ZNF385C: variants seen among roughly 807,000 people sequenced by gnomAD.
ZNF385C encodes the protein CTD-2132N18.2.
A neutral mutation model predicts 35.4 loss-of-function variants in ZNF385C; 28 were observed. That is an observed-to-expected ratio of 0.79 (90% confidence interval 0.59 to 1.08). ZNF385C has a LOEUF of 1.08. Ranked by LOEUF, ZNF385C falls within the 50% of genes least tolerant of loss-of-function variation. The pLI is 0.00. For synonymous variants in ZNF385C, 248 were observed against 248.2 expected (o/e 1.00, Z 0.01); for missense variants, 605 against 595.6 (o/e 1.02, Z -0.16).
At chr17:42,055,108 A>T (rs1215721252) in intron 2 of ZNF385C, among the ~76,000 whole-genome samples, 2 of 151,912 alleles carry the variant, frequency 1.3e-5, no homozygotes, top group African/African-American at 4.8e-5. Context: ...CTAGCCCCCG[A>T]CCCCCTCAGC....
chr17:42,087,085 G>A (rs55637667), intron 1 of ZNF385C, among the ~76,000 whole-genome samples: 33,425 of 151,932 alleles, frequency 0.22, 3,912 homozygotes, highest in Middle Eastern at 0.42. Flanking sequence ...AGCCTCCCAA[G>A]GTGCTGGGAT....
At chr17:42,031,962 A>C (rs1555655040) in intron 4 of ZNF385C, among the ~76,000 whole-genome samples, 178 bp from the exon 5 acceptor site, 1 of 152,174 alleles carries the variant, frequency 6.6e-6, no homozygotes, top group Non-Finnish European at 1.5e-5. Context: ...AGGTTTGCAG[A>C]ATGTGTTCTC....
At chr17:42,043,643 G>A (rs374313761) in intron 2 of ZNF385C, 18 of 307,606 alleles carry the variant, frequency 5.9e-5, no homozygotes, top group East Asian at 4.6e-4. Flanking sequence ...TAGGCTTCAT[G>A]CTGCCCACAG....
At chr17:42,054,916 C>T (rs2143794256) in intron 2 of ZNF385C, among the ~76,000 whole-genome samples, 1 of 152,196 alleles carries the variant, frequency 6.6e-6, no homozygotes, top group East Asian at 1.9e-4. Context: ...CCTCCCATGC[C>T]CACCCAAGAT....
At chr17:42,040,260 C>T (rs1555655982) in intron 2 of ZNF385C, 1 of 1,231,514 alleles carries the variant, frequency 8.1e-7, no homozygotes, top group East Asian at 3.2e-5. Context: ...GGAAGGATCC[C>T]CGGAGCCACT....
chr17:42,028,149 C>G lies in ZNF385C; in HGVS notation c.1065G>C (p.Lys355Asn), dbSNP rs781921322. Residue 355 changes from lysine to asparagine, a missense_variant, in exon 7 of 9, where the codon AAG (lysine) becomes AAC (asparagine). Physicochemically the swap from Lys to Asn is moderately conservative, Grantham distance 94. Coordinates refer to ENST00000692273, the MANE Select transcript of ZNF385C (RefSeq NM_001392013.1). ...GGCCGCCCCGGCCCCCTGTGACTCT[C>G]TTGGCTTTGTGTCCGGCACCTCCCC... The part of the protein sequence containing the change: ...VSRGGAGHKA[K>N]RVTGGRGGRQ... 6.2e-7 allele frequency: 1 copy of G among 1,611,076 alleles called. No homozygotes were observed.
At chr17:42,058,913 TCCCAAAGTGTTGGGATGA>T (rs1338135082) in intron 2 of ZNF385C, among the ~76,000 whole-genome samples, 4 of 152,212 alleles carry the variant, frequency 2.6e-5, no homozygotes, top group Admixed American at 2.6e-4. Context: ...CGCCTCGGCC[TCCCAAAGTGTTGGGATGA>T]CAGGCATGAG....
chr17:42,090,623 G>A (rs2053856315), intron 1 of ZNF385C, among the ~76,000 whole-genome samples: 1 of 151,352 alleles, frequency 6.6e-6, no homozygotes. Flanking sequence ...GGCTGGGCAC[G>A]GTGGCTCACG....
intron 2 of ZNF385C, among the ~76,000 whole-genome samples, chr17:42,058,408 G>A (rs1555657744): frequency 6.6e-6 from 1 of 152,218 alleles, no homozygotes; most frequent in African/African-American, 2.4e-5. Flanking sequence ...TGAGTGCCTA[G>A]GACCAATGCA....
At chr17:42,053,070 G>A (rs756582964) in intron 2 of ZNF385C, among the ~76,000 whole-genome samples, 14 of 152,204 alleles carry the variant, frequency 9.2e-5, no homozygotes, top group Non-Finnish European at 2.1e-4. Flanking sequence ...ACCATGGCCA[G>A]GGGGTTCCTC....
At chr17:42,041,149 C>A (rs182304922) in intron 2 of ZNF385C, 1 of 1,232,322 alleles carries the variant, frequency 8.1e-7, no homozygotes, top group Non-Finnish European at 1.0e-6. Context: ...TGCCTTCAGG[C>A]GCTGGCAGGC....
chr17:42,028,207 G>A lies in ZNF385C; in HGVS notation c.1007C>T (p.Ala336Val). The change falls in exon 7 of 9, where the codon GCT becomes GTT. Residue 336 changes from alanine (A) to valine (V), a missense_variant. Ala to Val is a moderately conservative substitution (Grantham distance 64). Transcript: ENST00000692273. ...HRWMMEGQRG[A>V]PRRSRGRPVS... ...CGGGCGGCCCCGGCTCCTCCGGGGA[G>A]CCCCTCGCTGACCTTCCATCATCCA... The A allele has an allele frequency of 1.3e-6, 2 of 1,561,938 alleles. No homozygotes were observed. Among genetic ancestry groups the A allele is most frequent in the South Asian group, 1.2e-5 (1 of 84,018 alleles).
chr17:42,042,991 A>G, intron 2 of ZNF385C: 1 of 1,232,330 alleles, frequency 8.1e-7, no homozygotes, highest in Non-Finnish European at 1.0e-6. Flanking sequence ...CAGCACAGCC[A>G]CTTTGGCCGG....
At chr17:42,051,422 C>T (rs1470553605) in intron 2 of ZNF385C, among the ~76,000 whole-genome samples, 7 of 152,046 alleles carry the variant, frequency 4.6e-5, no homozygotes, top group Non-Finnish European at 1.0e-4. Flanking sequence ...AATGTGCAGA[C>T]GTGGAGGTGT....
intron 1 of ZNF385C, among the ~76,000 whole-genome samples, chr17:42,072,379 G>T (rs1555658908): frequency 6.6e-6 from 1 of 152,126 alleles, no homozygotes; most frequent in African/African-American, 2.4e-5. Flanking sequence ...TCAGTTTCCG[G>T]TTAAGTTGCG....
chr17:42,028,435 A>G lies in ZNF385C; in HGVS notation c.968-189T>C, dbSNP rs540020764. 3.6e-5 allele frequency: 22 copies of G among 617,052 alleles called. No homozygotes were observed. In the South Asian group the frequency reaches 4.6e-4, roughly 13 times the overall value. 38.2% of individuals were successfully genotyped at this position (617,052 alleles called of 1,614,324 possible). On this transcript the variant is annotated intron_variant, in intron 6 of 8. Transcript: ENST00000692273. ...CTTTCATGCCAGCCCCTCCTATGAA[A>G]GGCCTTTCTGCACTACAAATAGCTG...
chr17:42,085,025 G>T (rs146931796), intron 1 of ZNF385C, among the ~76,000 whole-genome samples: 1 of 152,028 alleles, frequency 6.6e-6, no homozygotes, highest in African/African-American at 2.4e-5. Context: ...GGCTGGGTGC[G>T]GTGGCTCATG....
intron 2 of ZNF385C, among the ~76,000 whole-genome samples, chr17:42,045,196 C>T (rs904663578): frequency 3.3e-5 from 5 of 152,126 alleles, no homozygotes; most frequent in Non-Finnish European, 7.4e-5. Flanking sequence ...GGATTACAGG[C>T]GTGAGCCACC....
rs2053249366 is a variant in ZNF385C at position 42,050,077 on chromosome 17, A to G, written c.251-12192T>C. On this transcript the variant is annotated intron_variant, in intron 2 of 8. Coordinates refer to ENST00000692273, the MANE Select transcript of ZNF385C (RefSeq NM_001392013.1). This position sits in a 1 kb window ranked among gnomAD's most constrained non-coding sequence, Gnocchi z 5.6. ...GGTGTAAACAAAACTCCATGGGTCC[A>G]GTTGTGACCAAGGCTGACCAGGAGG... Among the ~76,000 whole-genome samples the G allele has an allele frequency of 6.6e-6, 1 of 152,222 alleles. No homozygotes were observed. Among genetic ancestry groups the G allele is most frequent in the South Asian group, 2.1e-4 (1 of 4,828 alleles).
Sources: gnomAD v4.1 joint callset for allele counts (sites outside exome capture counted in the v4.1 genomes callset) on GRCh38, gnomAD v4.1.1 for gene constraint, Gnocchi (gnomAD v3.1) non-coding constraint, MANE v1.5 for transcripts, NCBI Gene and HGNC (gene_info 2026-07-23, HGNC 2026-07-21) for gene names.